MBD5: variants seen among roughly 807,000 people sequenced by gnomAD.
MBD5 encodes the protein methyl-CpG-binding domain protein 5.
MBD5 carries 13 observed loss-of-function variants against 117.3 expected under a neutral mutation model. The observed-to-expected ratio is 0.11, with a 90% CI of 0.07 to 0.18. The LOEUF is 0.18. MBD5 is among the 10% of genes least tolerant of loss of function. The pLI is 1.00. For synonymous variants in MBD5, 727 were observed against 766.4 expected (o/e 0.95, Z 0.85); for missense variants, 1,879 against 2,093.8 (o/e 0.90, Z 2.00).
chr2:148,324,685 G>A (rs1398440521), intron 3 of MBD5, among the ~76,000 whole-genome samples: 1 of 152,048 alleles, frequency 6.6e-6, no homozygotes, highest in Non-Finnish European at 1.5e-5. Context: ...CATTGATTTT[G>A]TATCCTGAGA....
intron 1 of MBD5, among the ~76,000 whole-genome samples, chr2:148,070,367 G>T (rs1695317971): frequency 6.6e-6 from 1 of 152,152 alleles, no homozygotes; most frequent in Admixed American, 6.5e-5. Flanking sequence ...TAGCATGTTT[G>T]CTACTAGTAG....
chr2:148,104,964 C>T (rs1001459570), intron 1 of MBD5, among the ~76,000 whole-genome samples: 1 of 151,972 alleles, frequency 6.6e-6, no homozygotes, highest in Non-Finnish European at 1.5e-5. Context: ...GGTTAAATAA[C>T]ATCCTAAATT....
At chr2:148,345,194 G>A (rs184111393) in intron 4 of MBD5, among the ~76,000 whole-genome samples, 10 of 147,700 alleles carry the variant, frequency 6.8e-5, no homozygotes, top group East Asian at 4.0e-4. Flanking sequence ...GTGTGTGTGT[G>A]TATATACGTA....
In MBD5 at chr2:148,233,509, A is replaced by T. The variant is rs868050040; in HGVS notation, c.-680+114A>T. ...AAAGTATTATTTCCTGTAGGAATTTATGTATGCATGTCTTTTTCTTTATTT... is the reference window on the plus strand; with the variant it reads ...AAAGTATTATTTCCTGTAGGAATTTTTGTATGCATGTCTTTTTCTTTATTT... On this transcript the variant is annotated intron_variant, in intron 3 of 13. Transcript: ENST00000642680. 7 of 152,290 alleles carry T rather than the reference A, an allele frequency of 4.6e-5. No homozygotes were observed. The Middle Eastern group carries it at 0.01, about 222-fold the overall frequency. The allele number at this position is 152,290 out of a possible 1,614,324, so 9.4% of individuals were successfully genotyped here.
chr2:148,488,672 A>C (rs1477077398), intron 10 of MBD5, among the ~76,000 whole-genome samples: 1 of 150,330 alleles, frequency 6.7e-6, no homozygotes, highest in East Asian at 2.0e-4. Flanking sequence ...GTGGGGGGTA[A>C]AATTAGAATT....
chr2:148,285,893 A>T (rs942322210), intron 3 of MBD5, among the ~76,000 whole-genome samples: 7 of 152,164 alleles, frequency 4.6e-5, no homozygotes, highest in Admixed American at 4.6e-4. Flanking sequence ...ATTAAATTTT[A>T]TACAATTTAT....
intron 2 of MBD5, among the ~76,000 whole-genome samples, chr2:148,217,332 C>G (rs1699582881): frequency 6.6e-6 from 1 of 152,180 alleles, no homozygotes; most frequent in Non-Finnish European, 1.5e-5. Context: ...GTAGCAAGAA[C>G]ACAGGCACAC....
intron 3 of MBD5, among the ~76,000 whole-genome samples, chr2:148,332,629 C>G (rs1372736300): frequency 6.6e-6 from 1 of 152,242 alleles, no homozygotes; most frequent in African/African-American, 2.4e-5. Flanking sequence ...CCTCCATTGT[C>G]TTTTAGCCTC....
At chr2:148,354,656 G>A (rs1443969854) in intron 4 of MBD5, among the ~76,000 whole-genome samples, 1 of 152,142 alleles carries the variant, frequency 6.6e-6, no homozygotes, top group Admixed American at 6.5e-5. Flanking sequence ...GGGTCAAATG[G>A]CATTTCCAAT....
intron 3 of MBD5, among the ~76,000 whole-genome samples, chr2:148,253,463 G>A (rs1171852686): frequency 6.6e-6 from 1 of 152,114 alleles, no homozygotes; most frequent in East Asian, 1.9e-4. Flanking sequence ...GTTGCTGTGA[G>A]GGCATATACA....
chr2:148,505,348 T>C (rs1295109541), intron 12 of MBD5, among the ~76,000 whole-genome samples: 2 of 152,174 alleles, frequency 1.3e-5, no homozygotes, highest in Admixed American at 1.3e-4. Context: ...TACAAATGAC[T>C]GCAGTCACAC....
intron 1 of MBD5, among the ~76,000 whole-genome samples, chr2:148,065,479 A>T (rs1358179639): frequency 6.6e-6 from 1 of 152,166 alleles, no homozygotes; most frequent in Non-Finnish European, 1.5e-5. Context: ...GTGTGGCGGA[A>T]ACCAGACTAT....
chr2:148,184,852 T>C (rs1698614221), intron 2 of MBD5, among the ~76,000 whole-genome samples: 1 of 152,092 alleles, frequency 6.6e-6, no homozygotes, highest in Non-Finnish European at 1.5e-5. Flanking sequence ...GAGAAATCAG[T>C]TTATCAAATC....
At chr2:148,195,593 G>T (rs1163568635) in intron 2 of MBD5, among the ~76,000 whole-genome samples, 1 of 152,052 alleles carries the variant, frequency 6.6e-6, no homozygotes, top group Admixed American at 6.5e-5. Flanking sequence ...AATAACAACA[G>T]AATACACATT....
chr2:148,067,058 G>A (rs1269315696), intron 1 of MBD5, among the ~76,000 whole-genome samples: 1 of 152,200 alleles, frequency 6.6e-6, no homozygotes, highest in African/African-American at 2.4e-5. Context: ...TGAACTGAGT[G>A]TAGATTTAAG....
Position 148,445,244 on chromosome 2 carries a change from G to A in MBD5, c.-556-12959G>A, listed in dbSNP as rs574982252. 1.4e-4 allele frequency among the ~76,000 whole-genome samples: 21 copies of A among 150,848 alleles called. 2 individuals carry two copies. Among genetic ancestry groups the A allele is most frequent in the Non-Finnish European group, 2.2e-4 (15 of 67,966 alleles). ...GTTGGTGTGCTGCACCCATTAACTC[G>A]TCATTTACATTAGGTGTATCTCCTA... On this transcript the variant is annotated intron_variant, in intron 4 of 13. Coordinates refer to ENST00000642680, the MANE Select transcript of MBD5 (RefSeq NM_001378120.1).
intron 3 of MBD5, among the ~76,000 whole-genome samples, chr2:148,309,251 G>A (rs914808475): frequency 3.3e-5 from 5 of 152,138 alleles, no homozygotes; most frequent in South Asian, 2.1e-4. Context: ...GGGCAGTATG[G>A]CCATTTTCAC....
intron 2 of MBD5, among the ~76,000 whole-genome samples, chr2:148,230,267 A>G (rs1223540738): frequency 1.3e-5 from 2 of 152,160 alleles, no homozygotes; most frequent in African/African-American, 4.8e-5. Flanking sequence ...AACTCAAAAG[A>G]TGTAGTCCTC....
intron 1 of MBD5, among the ~76,000 whole-genome samples, chr2:148,092,476 C>CT (rs1382758273): frequency 6.6e-6 from 1 of 152,144 alleles, no homozygotes; most frequent in African/African-American, 2.4e-5. Flanking sequence ...CCATGGAATA[C>CT]TACTCAGCCA....
Sources: gnomAD v4.1 joint callset for allele counts (sites outside exome capture counted in the v4.1 genomes callset) on GRCh38, gnomAD v4.1.1 for gene constraint, MANE v1.5 for transcripts, NCBI Gene and HGNC (gene_info 2026-07-23, HGNC 2026-07-21) for gene names.